Variants in CSMD1 observed in about 807,000 individuals in gnomAD.
CSMD1 encodes CUB and Sushi multiple domains 1, also known as CUB and sushi domain-containing protein 1.
In CSMD1, 213 loss-of-function variants were observed where a neutral mutation model predicts 417.5. The observed-to-expected ratio is 0.51, with a 90% CI of 0.46 to 0.57. The LOEUF (loss-of-function observed/expected upper bound fraction) is 0.57, where lower values mean the gene tolerates loss of function less well. CSMD1 is among the 20% of genes least tolerant of loss of function. The pLI is 0.00. For synonymous variants in CSMD1, 2,862 were observed against 1,736.8 expected (o/e 1.65, Z -16.11); for missense variants, 6,923 against 4,529.7 (o/e 1.53, Z -15.17).
intron 5 of CSMD1, among the ~76,000 whole-genome samples, chr8:3,935,313 CACTT>C (rs1723644845): frequency 6.6e-6 from 1 of 152,160 alleles, no homozygotes; most frequent in Non-Finnish European, 1.5e-5. Flanking sequence ...CAGCATGAAA[CACTT>C]ATATATATTA....
chr8:4,182,860 G>A (rs1213676296), intron 3 of CSMD1, among the ~76,000 whole-genome samples: 2 of 152,130 alleles, frequency 1.3e-5, no homozygotes, highest in Admixed American at 1.3e-4. Flanking sequence ...GAAATTAATA[G>A]CATCAAACTC....
chr8:3,644,531 G>C (rs570734007), intron 7 of CSMD1, among the ~76,000 whole-genome samples: 2 of 152,296 alleles, frequency 1.3e-5, no homozygotes, highest in East Asian at 3.9e-4. Flanking sequence ...GATGATGAAA[G>C]AGGGTGAGAA....
At chr8:4,890,152 T>A (rs2028232) in intron 1 of CSMD1, among the ~76,000 whole-genome samples, 143,955 of 152,148 alleles carry the variant, frequency 0.95, 68,336 homozygotes, top group East Asian at 1. Flanking sequence ...TTCCCCTTAA[T>A]TTTGTTTTAA....
At chr8:3,803,216 C>T (rs1800552875) in intron 5 of CSMD1, among the ~76,000 whole-genome samples, 1 of 152,072 alleles carries the variant, frequency 6.6e-6, no homozygotes, top group Non-Finnish European at 1.5e-5. Context: ...TGAGTGATGA[C>T]TTGTGTGCCA....
chr8:4,269,166 C>T (rs998665386), intron 3 of CSMD1, among the ~76,000 whole-genome samples: 10 of 152,116 alleles, frequency 6.6e-5, no homozygotes, highest in Non-Finnish European at 1.0e-4. Flanking sequence ...AAACCATGGT[C>T]CTGCCTCAGC....
intron 7 of CSMD1, among the ~76,000 whole-genome samples, chr8:3,629,058 A>G (rs1161221052): frequency 6.6e-6 from 1 of 152,174 alleles, no homozygotes; most frequent in Non-Finnish European, 1.5e-5. Context: ...TGGGGAACAG[A>G]CAGTTATCGA....
chr8:4,232,200 TTTTA>T (rs1801777868), intron 3 of CSMD1, among the ~76,000 whole-genome samples: 1 of 152,160 alleles, frequency 6.6e-6, no homozygotes, highest in South Asian at 2.1e-4. Flanking sequence ...ATTTATTTGT[TTTTA>T]TTTATTTTTA....
chr8:4,019,447 TTCC>T (rs1796680011), intron 4 of CSMD1, among the ~76,000 whole-genome samples: 1 of 26,458 alleles, frequency 3.8e-5, no homozygotes, highest in Non-Finnish European at 8.5e-5. Context: ...GAAGGGAACA[TTCC>T]CTTATTAGGG....
At chr8:4,656,345 A>C (rs1437306314) in intron 1 of CSMD1, among the ~76,000 whole-genome samples, 23 of 152,076 alleles carry the variant, frequency 1.5e-4, no homozygotes, top group Admixed American at 1.5e-3. Context: ...AGGTCAGACC[A>C]GGCATGGTTG....
intron 23 of CSMD1, among the ~76,000 whole-genome samples, chr8:3,334,966 C>T (rs1361897277): frequency 6.6e-6 from 1 of 152,184 alleles, no homozygotes; most frequent in Non-Finnish European, 1.5e-5. Context: ...CTCCAAAACA[C>T]AACTCTTGTA....
chr8:4,862,998 C>T (rs548203575), intron 1 of CSMD1, among the ~76,000 whole-genome samples: 1 of 152,040 alleles, frequency 6.6e-6, no homozygotes, highest in Admixed American at 6.5e-5. Context: ...GCAAATACCC[C>T]CGTAGATCAA....
chr8:3,434,787 A>G (rs1362840159), intron 12 of CSMD1, among the ~76,000 whole-genome samples: 6 of 152,206 alleles, frequency 3.9e-5, no homozygotes, highest in African/African-American at 1.4e-4. Flanking sequence ...CCTGGAACAG[A>G]CAGTTCCTTA....
chr8:4,756,427 G>C (rs1469116214), intron 1 of CSMD1, among the ~76,000 whole-genome samples: 1 of 152,124 alleles, frequency 6.6e-6, no homozygotes. Flanking sequence ...AGTTCATCAT[G>C]ACAGTCCAGT....
chr8:2,968,130 A>G (rs545013757), intron 57 of CSMD1, among the ~76,000 whole-genome samples: 73 of 152,330 alleles, frequency 4.8e-4, no homozygotes, highest in Non-Finnish European at 8.8e-4. Context: ...AAGTTTTATG[A>G]TAACTATACT....
intron 23 of CSMD1, among the ~76,000 whole-genome samples, chr8:3,310,052 G>A (rs998722731): frequency 3.9e-5 from 6 of 152,190 alleles, no homozygotes; most frequent in African/African-American, 1.2e-4. Context: ...AAGAACAGAA[G>A]AGTGTATCCA....
At chr8:4,175,803 C>T (rs1351757396) in intron 3 of CSMD1, among the ~76,000 whole-genome samples, 1 of 152,054 alleles carries the variant, frequency 6.6e-6, no homozygotes, top group Admixed American at 6.6e-5. Context: ...CATGGCAATA[C>T]AACAGCATAT....
At chr8:3,899,199 A>T (rs111654649) in intron 5 of CSMD1, among the ~76,000 whole-genome samples, 14 of 152,342 alleles carry the variant, frequency 9.2e-5, no homozygotes, top group African/African-American at 3.4e-4. Context: ...AGGCCAATCA[A>T]CAATGAACAC....
At chr8:4,339,312 G>A (rs1393819299) in intron 3 of CSMD1, among the ~76,000 whole-genome samples, 1 of 152,078 alleles carries the variant, frequency 6.6e-6, no homozygotes, top group Non-Finnish European at 1.5e-5. Flanking sequence ...TTACCATTTT[G>A]TGATTTAAAT....
At chr8:3,377,924 A>C (rs1357013396) in intron 18 of CSMD1, among the ~76,000 whole-genome samples, 1 of 152,122 alleles carries the variant, frequency 6.6e-6, no homozygotes, top group South Asian at 2.1e-4. Context: ...TTTCTATCTA[A>C]CTTTATGGAG....
Sources: gnomAD v4.1 joint callset for allele counts (sites outside exome capture counted in the v4.1 genomes callset) on GRCh38, gnomAD v4.1.1 for gene constraint, MANE v1.5 for transcripts, NCBI Gene and HGNC (gene_info 2026-07-23, HGNC 2026-07-21) for gene names.